Variants in LAMA3 observed in about 807,000 individuals in gnomAD.
LAMA3 encodes the protein laminin subunit alpha 3.
LAMA3 carries 281 observed loss-of-function variants against 402.0 expected under a neutral mutation model. The ratio of observed to expected loss-of-function variants is 0.70; its 90% CI spans 0.63 to 0.77. The LOEUF (loss-of-function observed/expected upper bound fraction) is 0.77. Among genes scored for constraint, LAMA3 ranks in the 30% least tolerant of loss-of-function variants. LAMA3 has a pLI of 0.00. For synonymous variants in LAMA3, 1,431 were observed against 1,558.4 expected (o/e 0.92, Z 1.93); for missense variants, 3,840 against 4,215.5 (o/e 0.91, Z 2.47).
chr18:23,861,473 T>C (rs2064217878), intron 34 of LAMA3, among the ~76,000 whole-genome samples, 173 bp from the exon 35 acceptor site: 1 of 152,128 alleles, frequency 6.6e-6, no homozygotes, highest in South Asian at 2.1e-4. Flanking sequence ...CCAGTGGCAA[T>C]GGGTCAGACG....
chr18:23,836,996 T>C lies in LAMA3; in HGVS notation c.3000T>C (p.Ser1000=), dbSNP rs1324506979. Residue 1000 remains serine (S), a synonymous_variant, in exon 25 of 75, where the codon AGT becomes AGC. Transcript: ENST00000313654. ...TCTCTTGCAGTGTTCTCTGCCGGAG[T>C]GCTGTGATTGATCACATGAGCCGCA... ...YSCNYSVLCR[S]AVIDHMSRIA... 4.3e-6 allele frequency: 7 copies of C among 1,613,628 alleles called. No homozygotes were observed. Among genetic ancestry groups the C allele is most frequent in the Non-Finnish European group, 5.9e-6 (7 of 1,179,774 alleles).
At chr18:23,737,806 G>A (rs2061500609) in intron 2 of LAMA3, among the ~76,000 whole-genome samples, 1 of 152,252 alleles carries the variant, frequency 6.6e-6, no homozygotes, top group Non-Finnish European at 1.5e-5. Flanking sequence ...GTGCATTCTA[G>A]ACTTGACTAT....
chr18:23,896,501 G>A (rs1439328763), intron 44 of LAMA3, among the ~76,000 whole-genome samples: 1 of 152,300 alleles, frequency 6.6e-6, no homozygotes, highest in East Asian at 1.9e-4. Context: ...AATGTGTTGA[G>A]GTTTGTTTCA....
chr18:23,730,266 C>CT (rs1269362604), intron 2 of LAMA3, among the ~76,000 whole-genome samples: 3 of 151,598 alleles, frequency 2.0e-5, no homozygotes, highest in East Asian at 1.9e-4. Flanking sequence ...GCTTTTACTC[C>CT]TTTTTTTTGT....
At chr18:23,880,367 T>C (rs1158522228) in intron 39 of LAMA3, among the ~76,000 whole-genome samples, 1 of 152,218 alleles carries the variant, frequency 6.6e-6, no homozygotes, top group African/African-American at 2.4e-5. Flanking sequence ...ATAGCACAAT[T>C]TTATAGCTGG....
At chr18:23,883,836 A>G (rs1424260401) in intron 40 of LAMA3, among the ~76,000 whole-genome samples, 2 of 152,240 alleles carry the variant, frequency 1.3e-5, no homozygotes, top group African/African-American at 4.8e-5. Context: ...CATAAGTTGA[A>G]GTAACACGTA....
chr18:23,810,365 G>A lies in LAMA3; in HGVS notation c.1604-1G>A. ...AAGTCTGATTGAATTCTTTCATCCA[G>A]CCTGCTGGTGTTCAGCCCTTGGATC... On this transcript the variant is annotated splice_acceptor_variant, in intron 12 of 74. Transcript: ENST00000313654. LOFTEE classifies it high-confidence loss of function. 6.2e-7 allele frequency: 1 copy of A among 1,614,052 alleles called. No homozygotes were observed.
In LAMA3 at chr18:23,814,498, T is replaced by C; in HGVS notation, c.1884T>C (p.Cys628=). The change falls in exon 15 of 75, where the codon TGT becomes TGC. Residue 628 remains cysteine, a synonymous_variant. Coordinates refer to ENST00000313654, the MANE Select transcript of LAMA3 (RefSeq NM_198129.4). ...TGGACAAAGAAAACCCCAGTGGATG[T>C]TCAGGTAGGTTTCTTATATGTCATA... ...WNLDKENPSG[C]SECKCHKAGT... The C allele has an allele frequency of 1.9e-6, 3 of 1,601,858 alleles. No individual in the cohort carries two copies. Among genetic ancestry groups the C allele is most frequent in the Non-Finnish European group, 2.6e-6 (3 of 1,168,894 alleles).
intron 21 of LAMA3, among the ~76,000 whole-genome samples, chr18:23,826,023 T>C (rs770873190): frequency 4.6e-5 from 7 of 152,166 alleles, no homozygotes; most frequent in African/African-American, 9.6e-5. Context: ...AGAAAAAGCT[T>C]TGTGGTCTGT....
At position 23,713,902 on chromosome 18, in the gene LAMA3, C is replaced by A. The variant is rs950432482; in HGVS notation, c.295-18C>A. 1.1e-5 allele frequency: 18 copies of A among 1,603,586 alleles called. No homozygotes were observed. Among genetic ancestry groups the A allele is most frequent in the Non-Finnish European group, 1.5e-5 (18 of 1,177,146 alleles). ...ATAAAAAACAAAAAACAAAAAAAAC[C>A]CACTTTTTTTTTTTCAGGGCCAGTT... On this transcript the variant is annotated intron_variant, in intron 1 of 74. Transcript: ENST00000313654.
intron 43 of LAMA3, 79 bp from the exon 44 acceptor site, chr18:23,894,828 G>A: frequency 1.3e-6 from 2 of 1,577,814 alleles, no homozygotes; most frequent in South Asian, 2.2e-5. Flanking sequence ...TGCCAACTGG[G>A]CTGCATAGCA....
rs549933034 is a variant in LAMA3, at chr18:23,808,339, T to C, written c.1604-2027T>C. ...AATGTAAATGCTACATAAATAGTTA[T>C]ATTACATTATTATTTTATTTGTATT... On this transcript the variant is annotated intron_variant, in intron 12 of 74. Coordinates refer to ENST00000313654, the MANE Select transcript of LAMA3 (RefSeq NM_198129.4). Among the ~76,000 whole-genome samples, 3 of 152,324 alleles carry C rather than the reference T, an allele frequency of 2.0e-5. No individual in the cohort carries two copies. The South Asian group carries it at 6.2e-4, about 32-fold the overall frequency.
chr18:23,839,734 G>T lies in LAMA3; in HGVS notation c.3192-51G>T. On this transcript the variant is annotated intron_variant, in intron 26 of 74. Coordinates refer to ENST00000313654, the MANE Select transcript of LAMA3 (RefSeq NM_198129.4). This position sits in a 1 kb window ranked among gnomAD's most constrained non-coding sequence, Gnocchi z 4.5. ...TGTCTCTTCACTGATGGTCAGTTCT[G>T]TAGCTTTGGGTTCTTTTAAAAATCA... 1 of 1,601,140 alleles carries T rather than the reference G, an allele frequency of 6.2e-7. No individual in the cohort carries two copies. The highest frequency in any genetic ancestry group is 8.6e-7 in the Non-Finnish European group (1 of 1,168,498).
chr18:23,921,203 A>G (rs1337737353), intron 61 of LAMA3, 149 bp downstream of exon 61: 1 of 994,178 alleles, frequency 1.0e-6, no homozygotes. Flanking sequence ...TAAAATTTGC[A>G]CATTTCGGCA....
At chr18:23,894,784 G>A (rs2080815939) in intron 43 of LAMA3, 123 bp from the exon 44 acceptor site, 1 of 1,206,174 alleles carries the variant, frequency 8.3e-7, no homozygotes, top group African/African-American at 1.5e-5. Context: ...AGAAGGCCAG[G>A]GCTGTGGTTG....
At chr18:23,841,750 C>G (rs908488713) in intron 27 of LAMA3, among the ~76,000 whole-genome samples, 1 of 152,056 alleles carries the variant, frequency 6.6e-6, no homozygotes, top group Non-Finnish European at 1.5e-5. Flanking sequence ...TAGGAAGACC[C>G]TATCTCTACA....
rs80219226 is a variant in LAMA3, at chr18:23,952,592, G to A, written c.9737-398G>A. On this transcript the variant is annotated intron_variant, in intron 73 of 74. Transcript: ENST00000313654. Reference sequence around the variant, plus strand: ...GTCGAGAGTCAAAAGAGCTGTCTTTGGCATCAGCTTTCAGAAGTCAGTGTC... The same window carrying A: ...GTCGAGAGTCAAAAGAGCTGTCTTTAGCATCAGCTTTCAGAAGTCAGTGTC... 4.7e-4 allele frequency among the ~76,000 whole-genome samples: 72 copies of A among 152,278 alleles called. 2 individuals carry two copies. In the East Asian group the frequency reaches 0.012, roughly 25 times the overall value.
chr18:23,952,309 G>A (rs1297298687), intron 73 of LAMA3, among the ~76,000 whole-genome samples: 2 of 152,154 alleles, frequency 1.3e-5, no homozygotes, highest in Non-Finnish European at 2.9e-5. Context: ...TCTGTTTTTT[G>A]TTAAGGCTCA....
At chr18:23,717,711 C>A (rs1348868370) in intron 2 of LAMA3, among the ~76,000 whole-genome samples, 1 of 142,580 alleles carries the variant, frequency 7.0e-6, no homozygotes, top group Non-Finnish European at 1.5e-5. Flanking sequence ...CACCACCATG[C>A]CTGGCTAAAT....
Sources: allele counts gnomAD v4.1 joint callset (sites outside exome capture counted in the v4.1 genomes callset), GRCh38; gene constraint gnomAD v4.1.1; non-coding constraint Gnocchi (gnomAD v3.1); transcripts MANE v1.5; gene names NCBI Gene and HGNC (gene_info 2026-07-23, HGNC 2026-07-21).